Variants in STS observed in about 807,000 individuals in gnomAD.
The protein encoded by STS is steryl-sulfatase.
In STS, 7 loss-of-function variants were observed where a neutral mutation model predicts 26.8. The ratio of observed to expected loss-of-function variants is 0.26; its 90% CI spans 0.15 to 0.49. The LOEUF is 0.49. Among genes scored for constraint, STS ranks in the 20% least tolerant of loss-of-function variants. The pLI, the probability that STS is intolerant of heterozygous loss-of-function variation, is 0.98. For synonymous variants in STS, 199 were observed against 189.4 expected (o/e 1.05, Z -0.42); for missense variants, 434 against 465.6 (o/e 0.93, Z 0.63).
intron 7 of STS, among the ~76,000 whole-genome samples, chrX:7,288,851 A>T (rs1301425391): frequency 1.8e-5 from 2 of 111,555 alleles, no homozygotes; most frequent in African/African-American, 6.5e-5. Flanking sequence ...TCTTTTCTGC[A>T]AGGGCTATGC....
At chrX:7,349,492 C>T (rs898414184) in intron 10 of STS, among the ~76,000 whole-genome samples, 2 of 107,128 alleles carry the variant, frequency 1.9e-5, no homozygotes, top group African/African-American at 3.4e-5. Flanking sequence ...CCTGCCACAA[C>T]ACCTGGCTAA....
intron 10 of STS, among the ~76,000 whole-genome samples, chrX:7,334,744 G>A (rs980051052): frequency 8.9e-5 from 10 of 112,702 alleles, no homozygotes; most frequent in Non-Finnish European, 1.3e-4. Context: ...TATTTTGTGC[G>A]TCATGCATAT....
intron 2 of STS, among the ~76,000 whole-genome samples, chrX:7,214,861 G>A (rs1396652952): frequency 2.9e-5 from 3 of 104,846 alleles, no homozygotes; most frequent in African/African-American, 1.0e-4. Context: ...CCAGGTTGCT[G>A]TGAATGCCAT....
At chrX:7,237,223 A>AG (rs1346488386) in intron 2 of STS, among the ~76,000 whole-genome samples, 1 of 110,324 alleles carries the variant, frequency 9.1e-6, no homozygotes, top group African/African-American at 3.3e-5. Context: ...CAAAAAAAAA[A>AG]AAAAAGACAA....
In STS at chrX:7,147,941, T is replaced by A; in HGVS notation, c.-276T>A. 1 of 613,141 alleles carries A rather than the reference T, an allele frequency of 1.6e-6. No individual in the cohort carries two copies. The highest frequency in any genetic ancestry group is 2.7e-5 in the South Asian group (1 of 37,251). 50.5% of individuals were successfully genotyped at this position (613,141 alleles called of 1,213,427 possible). A position where few individuals can be genotyped will look rare whatever the true frequency, so the allele number is the denominator to read the frequency against. On this transcript the variant is annotated 5_prime_UTR_variant, in exon 1 of 11. Coordinates refer to ENST00000674429, the MANE Select transcript of STS (RefSeq NM_001320752.2). Reference sequence around the variant, plus strand: ...GAGCGCGCGGGAGCCCGAGCGTCCCTGCATGAACACCGCCCCGCCGCGGCC... The same window carrying A: ...GAGCGCGCGGGAGCCCGAGCGTCCCAGCATGAACACCGCCCCGCCGCGGCC...
intron 6 of STS, among the ~76,000 whole-genome samples, chrX:7,265,896 T>C (rs1041959552): frequency 7.1e-5 from 8 of 112,388 alleles, no homozygotes; most frequent in African/African-American, 2.6e-4. Context: ...ATGGCCTTGA[T>C]ATGTTACCAA....
At chrX:7,238,708 C>T (rs756373719) in intron 2 of STS, among the ~76,000 whole-genome samples, 3 of 103,094 alleles carry the variant, frequency 2.9e-5, no homozygotes, top group East Asian at 6.4e-4. Context: ...GGTGCATGCC[C>T]GTAGTCCTAG....
At position 7,205,570 on chromosome X, in the gene STS, G is replaced by A. The variant is rs868223823; in HGVS notation, c.-5+14562G>A. Among the ~76,000 whole-genome samples the A allele has an allele frequency of 4.1e-4, 41 of 99,244 alleles. 1 individual carries two copies. The highest frequency in any genetic ancestry group is 0.01 in the Middle Eastern group (2 of 196). The allele number at this position is 99,244 out of a possible 115,157, so 86.2% of individuals were successfully genotyped here. A position where few individuals can be genotyped will look rare whatever the true frequency, so the allele number is the denominator to read the frequency against. ...TTGGCTGGTATAAAACTGTAGGTTGGAAATTATTTGGTTTTCTTTTTCTTT... is the reference window on the plus strand; with the variant it reads ...TTGGCTGGTATAAAACTGTAGGTTGAAAATTATTTGGTTTTCTTTTTCTTT... On this transcript the variant is annotated intron_variant, in intron 2 of 10. Transcript: ENST00000674429.
At chrX:7,275,701 G>A (rs955650649) in intron 6 of STS, among the ~76,000 whole-genome samples, 3 of 110,921 alleles carry the variant, frequency 2.7e-5, no homozygotes, top group Non-Finnish European at 5.7e-5. Context: ...GTCTTTGGGG[G>A]ATGTCTCAAT....
intron 1 of STS, among the ~76,000 whole-genome samples, chrX:7,171,547 G>A (rs941056055): frequency 5.4e-5 from 6 of 111,868 alleles, no homozygotes. Flanking sequence ...AGTGGAAAGA[G>A]CCTCTCTTGC....
chrX:7,243,395 G>C (rs755187340), intron 2 of STS, among the ~76,000 whole-genome samples: 2 of 111,904 alleles, frequency 1.8e-5, no homozygotes, highest in Non-Finnish European at 3.8e-5. Context: ...CTAGTATCCT[G>C]AGTAACTCCC....
intron 7 of STS, among the ~76,000 whole-genome samples, chrX:7,289,727 C>T (rs897577102): frequency 1.8e-5 from 2 of 111,373 alleles, no homozygotes; most frequent in Non-Finnish European, 3.8e-5. Context: ...GGCGTGATCT[C>T]GGCTCACTGC....
rs1257873082 is a variant in STS at position 7,174,305 on chromosome X, G to A, written c.-133-16575G>A. On this transcript the variant is annotated intron_variant, in intron 1 of 10. Coordinates refer to ENST00000674429, the MANE Select transcript of STS (RefSeq NM_001320752.2). ...TCCCAAAGATACTGATAAGACTGAT[G>A]AGAAAAAGACTCACTTCATTCCCTC... Among the ~76,000 whole-genome samples the A allele has an allele frequency of 5.4e-5, 6 of 111,342 alleles. No individual in the cohort carries two copies. In the Admixed American group the frequency reaches 5.8e-4, roughly 11 times the overall value.
Position 7,352,620 on chromosome X carries a change from G to T in STS, c.*2359G>T, listed in dbSNP as rs1210402345. The T allele has an allele frequency of 9.0e-6, 1 of 111,672 alleles. No individual in the cohort carries two copies. Among genetic ancestry groups the T allele is most frequent in the Non-Finnish European group, 1.9e-5 (1 of 53,186 alleles). The allele number at this position is 111,672 out of a possible 1,213,427, so 9.2% of individuals were successfully genotyped here. A position where few individuals can be genotyped will look rare whatever the true frequency, so the allele number is the denominator to read the frequency against. On this transcript the variant is annotated 3_prime_UTR_variant, in exon 11 of 11. Coordinates refer to ENST00000674429, the MANE Select transcript of STS (RefSeq NM_001320752.2). The stretch of plus-strand genomic sequence containing the variant: ...TTTGTTGTTTGTTTGCTTGTTTGTT[G>T]CAGGCTGTAAGGCATGGCTGCTTGT...
At chrX:7,338,880 A>T (rs1316241118) in intron 10 of STS, among the ~76,000 whole-genome samples, 1 of 111,654 alleles carries the variant, frequency 9.0e-6, no homozygotes, top group Non-Finnish European at 1.9e-5. Flanking sequence ...ATATGCATCA[A>T]TAAAAAGTAA....
intron 1 of STS, among the ~76,000 whole-genome samples, chrX:7,172,901 C>G (rs938873383): frequency 2.7e-5 from 3 of 111,572 alleles, no homozygotes; most frequent in Non-Finnish European, 5.6e-5. Context: ...AATATCTGAT[C>G]AGCTCTTTTC....
chrX:7,260,388 G>A (rs1229993917), intron 6 of STS, among the ~76,000 whole-genome samples: 8 of 111,640 alleles, frequency 7.2e-5, no homozygotes, highest in African/African-American at 2.0e-4. Flanking sequence ...GGAGGTGTCA[G>A]ATATCCCACT....
intron 1 of STS, among the ~76,000 whole-genome samples, chrX:7,164,755 C>T (rs776848358): frequency 6.2e-4 from 68 of 110,156 alleles, no homozygotes; most frequent in Non-Finnish European, 1.0e-3. Context: ...CGCCTGGAAT[C>T]CCAGCACTTC....
intron 8 of STS, among the ~76,000 whole-genome samples, chrX:7,321,126 C>T (rs1360581731): frequency 9.0e-6 from 1 of 111,701 alleles, no homozygotes; most frequent in Non-Finnish European, 1.9e-5. Context: ...TTTGCAGCAA[C>T]ATAGATGGAG....
Sources: gnomAD v4.1 joint callset for allele counts (sites outside exome capture counted in the v4.1 genomes callset) on GRCh38, gnomAD v4.1.1 for gene constraint, MANE v1.5 for transcripts, NCBI Gene and HGNC (gene_info 2026-07-23, HGNC 2026-07-21) for gene names.